The following ADSS2 variants were observed in gnomAD, a reference collection of about 807,000 sequenced individuals.
The protein encoded by ADSS2 is adenylosuccinate synthetase isozyme 2.
ADSS2 carries 30 observed loss-of-function variants against 60.0 expected under a neutral mutation model. That is an observed-to-expected ratio of 0.50 (90% CI 0.37 to 0.68). The LOEUF (loss-of-function observed/expected upper bound fraction) is 0.68, where lower values mean the gene tolerates loss of function less well. Among genes scored for constraint, ADSS2 ranks in the 30% least tolerant of loss-of-function variants. The probability of loss-of-function intolerance (pLI) is 0.00; values close to 1 mark genes in which losing one functional copy is unlikely to be tolerated. For missense variants in ADSS2, 373 were observed against 554.8 expected, an observed-to-expected ratio of 0.67 and a Z score of 3.29; for synonymous variants, 187 against 193.1, an observed-to-expected ratio of 0.97 and a Z score of 0.26.
In ADSS2 at chr1:244,420,176, CA is replaced by C; in HGVS notation, c.783del (p.Ile261MetfsTer9). The C allele has an allele frequency of 6.2e-7, 1 of 1,613,074 alleles. No homozygotes were observed. Among genetic ancestry groups the C allele is most frequent in the Non-Finnish European group, 8.5e-7 (1 of 1,179,440 alleles). On this transcript the variant is annotated frameshift_variant, in exon 8 of 13. Coordinates refer to ENST00000366535, the MANE Select transcript of ADSS2 (RefSeq NM_001126.5). LOFTEE classifies it high-confidence loss of function. The stretch of plus-strand genomic sequence containing the variant: ...TAAGTCATATCTCACTTACCAAAAT[CA>C]ATATCTAATAGTGCTGCATTTGCAC... ...VEGANAALLD[I>X]DFGTYPFVTS...
At chr1:244,433,939 G>A (rs1000518403) in intron 3 of ADSS2, among the ~76,000 whole-genome samples, 1 of 147,556 alleles carries the variant, frequency 6.8e-6, no homozygotes, top group African/African-American at 2.5e-5. Context: ...GTCAATTACT[G>A]TACTTACTAC....
At position 244,418,841 on chromosome 1, in the gene ADSS2, T is replaced by C. The variant is rs909393339; in HGVS notation, c.864A>G (p.Gln288=). The C allele has an allele frequency of 5.0e-6, 8 of 1,613,914 alleles. No individual in the cohort carries two copies. The highest frequency in any genetic ancestry group is 1.1e-5 in the South Asian group (1 of 91,074). ...CAACTCCATACACTTCTCCAACATTTTGAGGTGGCATACCCAAACCAGTAC... is the reference window on the plus strand; with the variant it reads ...CAACTCCATACACTTCTCCAACATTCTGAGGTGGCATACCCAAACCAGTAC... The part of the protein sequence containing the change: ...GVCTGLGMPP[Q]NVGEVYGVVK... Residue 288 remains glutamine, a synonymous_variant, in exon 9 of 13, where the codon CAA becomes CAG. Coordinates refer to ENST00000366535, the MANE Select transcript of ADSS2 (RefSeq NM_001126.5).
At chr1:244,448,252 A>G (rs567144454) in intron 1 of ADSS2, among the ~76,000 whole-genome samples, 2 of 152,274 alleles carry the variant, frequency 1.3e-5, no homozygotes, top group East Asian at 1.9e-4. Flanking sequence ...CACCTTTTCT[A>G]TTTCAAGGAG....
chr1:244,435,705 T>C (rs180748184), intron 3 of ADSS2, among the ~76,000 whole-genome samples: 179 of 152,310 alleles, frequency 1.2e-3, no homozygotes, highest in Non-Finnish European at 2.1e-3. Context: ...ACACCAACAT[T>C]CTTGACTCTG....
intron 1 of ADSS2, among the ~76,000 whole-genome samples, chr1:244,446,787 C>T (rs1255942150): frequency 1.3e-5 from 2 of 152,164 alleles, no homozygotes; most frequent in Non-Finnish European, 2.9e-5. Flanking sequence ...CGATGTCACA[C>T]AGCTCTTTGT....
chr1:244,443,934 A>G (rs1360534141), intron 1 of ADSS2, among the ~76,000 whole-genome samples: 1 of 152,156 alleles, frequency 6.6e-6, no homozygotes, highest in Non-Finnish European at 1.5e-5. Flanking sequence ...GGTTGAGGCC[A>G]ATTTTTAAAC....
At position 244,411,575 on chromosome 1, in the gene ADSS2, T is replaced by C. The variant is rs1410229073; in HGVS notation, c.1169-139A>G. On this transcript the variant is annotated intron_variant, in intron 11 of 12. Coordinates refer to ENST00000366535, the MANE Select transcript of ADSS2 (RefSeq NM_001126.5). ...TTGGGATTTAGAATTCTTCAGGTAG[T>C]AGAAAGGTAAAACAGCGCAAATACC... 4.7e-6 allele frequency: 4 copies of C among 851,364 alleles called. No homozygotes were observed. In the South Asian group the frequency reaches 5.4e-5, roughly 12 times the overall value. 52.7% of individuals were successfully genotyped at this position (851,364 alleles called of 1,614,324 possible).
At chr1:244,411,201 A>G in intron 12 of ADSS2, 86 bp downstream of exon 12, 2 of 1,361,208 alleles carry the variant, frequency 1.5e-6, no homozygotes, top group Non-Finnish European at 2.0e-6. Flanking sequence ...AGCCTGGGAC[A>G]GAGCGAGACT....
chr1:244,424,449 G>T lies in ADSS2; in HGVS notation c.407-62C>A, dbSNP rs368627472. 23 of 1,347,052 alleles carry T rather than the reference G, an allele frequency of 1.7e-5. No homozygotes were observed. The African/African-American group carries it at 3.0e-4, about 18-fold the overall frequency. The allele number at this position is 1,347,052 out of a possible 1,614,324, so 83.4% of individuals were successfully genotyped here. A position where few individuals can be genotyped will look rare whatever the true frequency, so the allele number is the denominator to read the frequency against. ...ATAATACACAAAAGCAAAATCCACC[G>T]CATTTCAAATTACTGAAGTTATAAA... On this transcript the variant is annotated intron_variant, in intron 4 of 12. Transcript: ENST00000366535.
At chr1:244,420,364 T>C (rs1392407464) in intron 7 of ADSS2, 68 bp from the exon 8 acceptor site, 2 of 1,383,834 alleles carry the variant, frequency 1.4e-6, no homozygotes, top group Non-Finnish European at 2.0e-6. Context: ...AGAACAAGAA[T>C]AAATTACCTG....
At chr1:244,433,063 C>T (rs1481627225) in intron 3 of ADSS2, among the ~76,000 whole-genome samples, 1 of 151,890 alleles carries the variant, frequency 6.6e-6, no homozygotes, top group Admixed American at 6.6e-5. Context: ...ATGGTAAAAC[C>T]CCGTCTCTAC....
chr1:244,437,369 A>G (rs1665131654), intron 2 of ADSS2, among the ~76,000 whole-genome samples: 1 of 152,016 alleles, frequency 6.6e-6, no homozygotes. Context: ...GTATTTGTGG[A>G]AAAAAAAGTA....
At chr1:244,433,339 CAT>C (rs779811731) in intron 3 of ADSS2, among the ~76,000 whole-genome samples, 38 of 152,336 alleles carry the variant, frequency 2.5e-4, no homozygotes, top group African/African-American at 5.3e-4. Flanking sequence ...AGTTTTCTCA[CAT>C]GTCATTCATT....
chr1:244,451,519 G>A lies in ADSS2; in HGVS notation c.183+116C>T. The A allele has an allele frequency of 8.6e-7, 1 of 1,158,638 alleles. No homozygotes were observed. Among genetic ancestry groups the A allele is most frequent in the Non-Finnish European group, 1.2e-6 (1 of 837,432 alleles). The allele number at this position is 1,158,638 out of a possible 1,614,324, so 71.8% of individuals were successfully genotyped here. A position where few individuals can be genotyped will look rare whatever the true frequency, so the allele number is the denominator to read the frequency against. On this transcript the variant is annotated intron_variant, in intron 1 of 12. Coordinates refer to ENST00000366535, the MANE Select transcript of ADSS2 (RefSeq NM_001126.5). This position sits in a 1 kb window ranked among gnomAD's most constrained non-coding sequence, Gnocchi z 6.6. ...CAGGACAGGAGGAGAGAGCCTCAAGGTGACACCTCATTTTGGCCAGTGGAT... is the reference window on the plus strand; with the variant it reads ...CAGGACAGGAGGAGAGAGCCTCAAGATGACACCTCATTTTGGCCAGTGGAT...
intron 2 of ADSS2, 52 bp from the exon 3 acceptor site, chr1:244,436,945 T>A: frequency 6.7e-7 from 1 of 1,486,728 alleles, no homozygotes. Flanking sequence ...CTCAGACATA[T>A]GTAACTTAAA....
At chr1:244,411,155 A>G (rs2147984282) in intron 12 of ADSS2, 132 bp downstream of exon 12, 3 of 840,696 alleles carry the variant, frequency 3.6e-6, no homozygotes, top group Non-Finnish European at 5.3e-6. Context: ...CAGGAGGCAG[A>G]GGTTGCAGTG....
chr1:244,436,944 A>G (rs1400562438), intron 2 of ADSS2, 51 bp from the exon 3 acceptor site: 7 of 1,484,138 alleles, frequency 4.7e-6, no homozygotes, highest in Non-Finnish European at 6.5e-6. Context: ...ACTCAGACAT[A>G]TGTAACTTAA....
At chr1:244,438,781 G>A (rs1370324824) in intron 1 of ADSS2, among the ~76,000 whole-genome samples, 1 of 151,728 alleles carries the variant, frequency 6.6e-6, no homozygotes, top group East Asian at 1.9e-4. Flanking sequence ...TTGTTGCCAC[G>A]TAGTATTACA....
chr1:244,431,351 CTTT>C (rs1465515751), intron 4 of ADSS2, among the ~76,000 whole-genome samples: 1 of 152,122 alleles, frequency 6.6e-6, no homozygotes, highest in Non-Finnish European at 1.5e-5. Flanking sequence ...TGCAAAGCTT[CTTT>C]GTTTCCTTTG....
Sources: gnomAD v4.1 joint callset for allele counts (sites outside exome capture counted in the v4.1 genomes callset) on GRCh38, gnomAD v4.1.1 for gene constraint, Gnocchi (gnomAD v3.1) non-coding constraint, MANE v1.5 for transcripts, NCBI Gene and HGNC (gene_info 2026-07-23, HGNC 2026-07-21) for gene names.